KCNJ6: variants seen among roughly 807,000 people sequenced by gnomAD.
KCNJ6 encodes the protein G protein-activated inward rectifier potassium channel 2.
Under a neutral mutation model 34.2 loss-of-function variants are expected in KCNJ6, and 9 were observed. That is an observed-to-expected ratio of 0.26 (90% CI 0.16 to 0.46). KCNJ6 has a LOEUF of 0.46. KCNJ6 is among the 20% of genes least tolerant of loss of function. The pLI, the probability that KCNJ6 is intolerant of heterozygous loss-of-function variation, is 1.00. For missense variants in KCNJ6, 236 were observed against 531.3 expected, an observed-to-expected ratio of 0.44 and a Z score of 5.46; for synonymous variants, 196 against 207.1, an observed-to-expected ratio of 0.95 and a Z score of 0.46.
intron 2 of KCNJ6, among the ~76,000 whole-genome samples, chr21:37,778,059 A>G (rs2123509166): frequency 6.6e-6 from 1 of 152,274 alleles, no homozygotes; most frequent in African/African-American, 2.4e-5. Context: ...TGACAAGGAG[A>G]GAGAAAAACA....
chr21:37,646,529 A>G (rs1430450216), intron 3 of KCNJ6, among the ~76,000 whole-genome samples: 2 of 152,104 alleles, frequency 1.3e-5, no homozygotes, highest in Non-Finnish European at 2.9e-5. Context: ...TCATCTCAAC[A>G]CACTGTTTTC....
intron 2 of KCNJ6, among the ~76,000 whole-genome samples, chr21:37,722,171 T>C (rs1030214213): frequency 6.6e-6 from 1 of 152,154 alleles, no homozygotes; most frequent in Non-Finnish European, 1.5e-5. Flanking sequence ...AGCTGAGAGC[T>C]GAATCAAGAA....
intron 1 of KCNJ6, among the ~76,000 whole-genome samples, chr21:37,880,782 T>A (rs949467375): frequency 1.1e-4 from 16 of 152,374 alleles, no homozygotes; most frequent in African/African-American, 3.8e-4. Context: ...TTTCCCAAGC[T>A]GGCTTGACAT....
rs79085418 is a variant in KCNJ6 at position 37,733,324 on chromosome 21, T to C, written c.26-18193A>G. On this transcript the variant is annotated intron_variant, in intron 2 of 3. Coordinates refer to ENST00000609713, the MANE Select transcript of KCNJ6 (RefSeq NM_002240.5). ...TGTGTTGTTCTGGAGAAATCTGCCG[T>C]TGGTATTTCGGGGGTCTTTTGAAGA... Among the ~76,000 whole-genome samples the C allele has an allele frequency of 4.4e-3, 651 of 147,628 alleles. 4 individuals are homozygous for C. Among genetic ancestry groups the C allele is most frequent in the African/African-American group, 0.015 (583 of 38,028 alleles).
At chr21:37,625,988 C>T (rs906002279) in intron 3 of KCNJ6, among the ~76,000 whole-genome samples, 3 of 152,194 alleles carry the variant, frequency 2.0e-5, no homozygotes, top group Non-Finnish European at 2.9e-5. Flanking sequence ...ACCCTCCCAC[C>T]TGCCATTAAC....
chr21:37,694,575 G>C (rs772153008), intron 3 of KCNJ6, among the ~76,000 whole-genome samples: 2 of 152,128 alleles, frequency 1.3e-5, no homozygotes, highest in African/African-American at 2.4e-5. Context: ...AGGTGTCAGC[G>C]GTGTGTCGGG....
chr21:37,897,915 A>G (rs1229218829), intron 1 of KCNJ6, among the ~76,000 whole-genome samples: 1 of 152,366 alleles, frequency 6.6e-6, no homozygotes, highest in East Asian at 1.9e-4. Context: ...CTACGGGAGT[A>G]AAAATTAAGT....
At chr21:37,703,079 C>A (rs1034040822) in intron 3 of KCNJ6, among the ~76,000 whole-genome samples, 31 of 152,254 alleles carry the variant, frequency 2.0e-4, no homozygotes, top group African/African-American at 7.5e-4. Context: ...TGGGAAACTA[C>A]TAGAAAGGGA....
intron 1 of KCNJ6, among the ~76,000 whole-genome samples, chr21:37,886,878 G>C (rs1233281802): frequency 1.3e-5 from 2 of 150,992 alleles, no homozygotes; most frequent in Non-Finnish European, 2.9e-5. Context: ...CTCAGGGAAT[G>C]TTGATTTAAT....
rs372036780 is a variant in KCNJ6 at position 37,850,238 on chromosome 21, G to C, written c.-27-9529C>G. On this transcript the variant is annotated intron_variant, in intron 1 of 3. Transcript: ENST00000609713. The stretch of plus-strand genomic sequence containing the variant: ...TCAGGTGGGACTGATGATAGGGGCA[G>C]GATGGCAGGCCCCAAGGTAAGGCTG... Among the ~76,000 whole-genome samples, 58 of 152,190 alleles carry C rather than the reference G, an allele frequency of 3.8e-4. 1 individual carries two copies. The highest frequency in any genetic ancestry group is 1.4e-3 in the African/African-American group (57 of 41,490).
At chr21:37,788,528 C>T (rs904591866) in intron 2 of KCNJ6, among the ~76,000 whole-genome samples, 1 of 152,204 alleles carries the variant, frequency 6.6e-6, no homozygotes, top group Non-Finnish European at 1.5e-5. Flanking sequence ...TGCAATGTGG[C>T]TTTACAGATG....
chr21:37,787,606 A>G (rs943283142), intron 2 of KCNJ6, among the ~76,000 whole-genome samples: 2 of 152,234 alleles, frequency 1.3e-5, no homozygotes, highest in African/African-American at 4.8e-5. Context: ...TGGGATCCCC[A>G]AGGACATGAA....
At chr21:37,784,145 C>T (rs2055182412) in intron 2 of KCNJ6, among the ~76,000 whole-genome samples, 1 of 152,234 alleles carries the variant, frequency 6.6e-6, no homozygotes, top group African/African-American at 2.4e-5. Flanking sequence ...CACTCCCTCC[C>T]TTTCCTGTGG....
At chr21:37,703,925 C>T (rs1001585291) in intron 3 of KCNJ6, among the ~76,000 whole-genome samples, 3 of 152,244 alleles carry the variant, frequency 2.0e-5, no homozygotes, top group African/African-American at 7.2e-5. Context: ...ATCCACCAAA[C>T]CCAGGATGTG....
chr21:37,690,057 C>A (rs1601420997), intron 3 of KCNJ6, among the ~76,000 whole-genome samples: 1 of 152,046 alleles, frequency 6.6e-6, no homozygotes, highest in Admixed American at 6.6e-5. Flanking sequence ...TATAAAAATC[C>A]TTTCTTTCTC....
intron 1 of KCNJ6, among the ~76,000 whole-genome samples, chr21:37,883,452 G>A (rs1309744315): frequency 6.6e-6 from 1 of 152,180 alleles, no homozygotes; most frequent in Admixed American, 6.5e-5. Flanking sequence ...AAATGAATGA[G>A]TTGTCACTAG....
At chr21:37,740,141 A>G (rs1342843638) in intron 2 of KCNJ6, among the ~76,000 whole-genome samples, 1 of 152,172 alleles carries the variant, frequency 6.6e-6, no homozygotes, top group African/African-American at 2.4e-5. Context: ...CTTGTAAACC[A>G]AAAACAAAAT....
At chr21:37,901,085 T>C (rs1387454801) in intron 1 of KCNJ6, among the ~76,000 whole-genome samples, 1 of 152,086 alleles carries the variant, frequency 6.6e-6, no homozygotes, top group Non-Finnish European at 1.5e-5. Flanking sequence ...TTTTCTACAG[T>C]GAACATACTT....
At chr21:37,830,422 C>A (rs772732184) in intron 2 of KCNJ6, among the ~76,000 whole-genome samples, 10 of 152,152 alleles carry the variant, frequency 6.6e-5, no homozygotes, top group Non-Finnish European at 1.3e-4. Flanking sequence ...TTCAACTACT[C>A]CCCTGGGGGT....
Sources: allele counts gnomAD v4.1 joint callset (sites outside exome capture counted in the v4.1 genomes callset), GRCh38; gene constraint gnomAD v4.1.1; transcripts MANE v1.5; gene names NCBI Gene and HGNC (gene_info 2026-07-23, HGNC 2026-07-21).